MACROD2: variants seen among roughly 807,000 people sequenced by gnomAD.
The protein encoded by MACROD2 is ADP-ribose glycohydrolase MACROD2.
In MACROD2, 36 loss-of-function variants were observed where a neutral mutation model predicts 70.4. The ratio of observed to expected loss-of-function variants is 0.51; its 90% CI spans 0.39 to 0.68. The LOEUF is 0.68. Ranked by LOEUF, MACROD2 falls within the 30% of genes least tolerant of loss-of-function variation. MACROD2 has a pLI of 0.00. For synonymous variants in MACROD2, 172 were observed against 178.8 expected, an observed-to-expected ratio of 0.96 and a Z score of 0.30; for missense variants, 496 against 538.4, an observed-to-expected ratio of 0.92 and a Z score of 0.78.
intron 8 of MACROD2, among the ~76,000 whole-genome samples, chr20:15,591,924 C>T (rs909664940): frequency 2.6e-5 from 4 of 152,094 alleles, no homozygotes; most frequent in Admixed American, 1.3e-4. Context: ...TCAGGCTATG[C>T]GTTATAAAAC....
intron 8 of MACROD2, among the ~76,000 whole-genome samples, chr20:15,610,008 A>G (rs915905593): frequency 2.0e-5 from 3 of 152,200 alleles, no homozygotes; most frequent in Non-Finnish European, 4.4e-5. Context: ...GCTGTGGGTA[A>G]TATTTCTTCT....
chr20:14,318,194 C>T (rs929094362), intron 3 of MACROD2, among the ~76,000 whole-genome samples: 7 of 152,126 alleles, frequency 4.6e-5, no homozygotes, highest in African/African-American at 1.4e-4. Flanking sequence ...ATACATTCAA[C>T]AGGGTATTAC....
chr20:14,891,409 A>G (rs2073758264), intron 5 of MACROD2, among the ~76,000 whole-genome samples: 1 of 152,172 alleles, frequency 6.6e-6, no homozygotes, highest in Non-Finnish European at 1.5e-5. Flanking sequence ...TAAGTCACAT[A>G]TTCTTCTCAA....
At chr20:15,443,650 A>G (rs1279704296) in intron 7 of MACROD2, among the ~76,000 whole-genome samples, 1 of 152,158 alleles carries the variant, frequency 6.6e-6, no homozygotes, top group Non-Finnish European at 1.5e-5. Flanking sequence ...GGTAATTGTG[A>G]CTTAGCTTAT....
At position 14,713,899 on chromosome 20, in the gene MACROD2, G is replaced by A. The variant is rs552000024; in HGVS notation, c.418+28940G>A. ...TGGCCTGATAATTCTTAATGGAAGC[G>A]GTTTAAGCTGGAGGGAAAGGATGGG... On this transcript the variant is annotated intron_variant, in intron 5 of 17. Coordinates refer to ENST00000684519, the MANE Select transcript of MACROD2 (RefSeq NM_001351661.2). 1.1e-4 allele frequency among the ~76,000 whole-genome samples: 17 copies of A among 152,266 alleles called. No homozygotes were observed. The South Asian group carries it at 3.3e-3, about 30-fold the overall frequency.
intron 8 of MACROD2, among the ~76,000 whole-genome samples, chr20:15,598,324 T>C (rs889776215): frequency 6.6e-6 from 1 of 152,182 alleles, no homozygotes; most frequent in Non-Finnish European, 1.5e-5. Context: ...CATGGACTGC[T>C]CAGAACTTTT....
At chr20:15,657,122 A>G (rs1333442779) in intron 8 of MACROD2, among the ~76,000 whole-genome samples, 3 of 152,174 alleles carry the variant, frequency 2.0e-5, no homozygotes, top group Non-Finnish European at 4.4e-5. Context: ...AAGAAGGCAG[A>G]AGGAATAAAT....
chr20:14,087,153 G>T (rs2054087101), intron 3 of MACROD2, among the ~76,000 whole-genome samples: 2 of 152,200 alleles, frequency 1.3e-5, no homozygotes, highest in South Asian at 4.2e-4. Context: ...CCAGCACTTT[G>T]GGAGGTCGAA....
At chr20:14,457,459 G>A (rs982972399) in intron 3 of MACROD2, among the ~76,000 whole-genome samples, 3 of 152,008 alleles carry the variant, frequency 2.0e-5, no homozygotes, top group East Asian at 1.9e-4. Flanking sequence ...CTTTTAACTG[G>A]CTATGACATA....
intron 3 of MACROD2, among the ~76,000 whole-genome samples, chr20:14,236,016 C>G (rs188972811): frequency 3.3e-5 from 5 of 152,198 alleles, no homozygotes; most frequent in African/African-American, 9.6e-5. Context: ...AACTGAGAGG[C>G]TTGACTGAAG....
At chr20:15,510,878 A>C (rs1416611060) in intron 8 of MACROD2, among the ~76,000 whole-genome samples, 1 of 152,250 alleles carries the variant, frequency 6.6e-6, no homozygotes, top group Non-Finnish European at 1.5e-5. Context: ...ACCCCTTCGA[A>C]GTCCATGACA....
chr20:14,344,527 A>AT (rs2083045350), intron 3 of MACROD2, among the ~76,000 whole-genome samples: 1 of 152,216 alleles, frequency 6.6e-6, no homozygotes, highest in Non-Finnish European at 1.5e-5. Flanking sequence ...ACATTTTATA[A>AT]TTTTTTCACT....
chr20:15,895,603 G>A (rs1170921905), intron 10 of MACROD2, among the ~76,000 whole-genome samples: 1 of 152,170 alleles, frequency 6.6e-6, no homozygotes, highest in African/African-American at 2.4e-5. Context: ...AGAGACATGG[G>A]GTTTTCCTGG....
At chr20:15,695,641 C>T (rs1458711919) in intron 8 of MACROD2, among the ~76,000 whole-genome samples, 1 of 152,100 alleles carries the variant, frequency 6.6e-6, no homozygotes, top group Non-Finnish European at 1.5e-5. Context: ...AAACTCCTGA[C>T]CTCGTGATCC....
chr20:15,319,218 G>A (rs2077847123), intron 6 of MACROD2, among the ~76,000 whole-genome samples: 2 of 152,004 alleles, frequency 1.3e-5, no homozygotes, highest in Non-Finnish European at 2.9e-5. Flanking sequence ...TAGAATAAGA[G>A]CAAAGGAATA....
At chr20:15,381,679 AC>A (rs1480436218) in intron 6 of MACROD2, among the ~76,000 whole-genome samples, 2 of 152,198 alleles carry the variant, frequency 1.3e-5, no homozygotes, top group Non-Finnish European at 2.9e-5. Context: ...AAGACTAAAA[AC>A]AAAAAATCTA....
intron 8 of MACROD2, among the ~76,000 whole-genome samples, chr20:15,737,698 G>C (rs372097528): frequency 6.6e-6 from 1 of 152,186 alleles, no homozygotes; most frequent in South Asian, 2.1e-4. Flanking sequence ...CAAATATTGA[G>C]AACATTGTAA....
intron 13 of MACROD2, among the ~76,000 whole-genome samples, chr20:15,979,242 G>A (rs2066358629): frequency 6.6e-6 from 1 of 152,180 alleles, no homozygotes; most frequent in Admixed American, 6.5e-5. Flanking sequence ...GCCCGGGTTG[G>A]CTGTGTTCCA....
At chr20:14,904,301 C>T (rs1305426283) in intron 5 of MACROD2, among the ~76,000 whole-genome samples, 1 of 152,032 alleles carries the variant, frequency 6.6e-6, no homozygotes, top group Non-Finnish European at 1.5e-5. Flanking sequence ...GACTCATTCA[C>T]ATAAAAATAG....
Sources: allele counts gnomAD v4.1 joint callset (sites outside exome capture counted in the v4.1 genomes callset), GRCh38; gene constraint gnomAD v4.1.1; transcripts MANE v1.5; gene names NCBI Gene and HGNC (gene_info 2026-07-23, HGNC 2026-07-21).